The following HPCAL1 variants were observed in gnomAD, a reference collection of about 807,000 sequenced individuals.
HPCAL1 encodes the protein hippocalcin like 1.
In HPCAL1, 8 loss-of-function variants were observed where a neutral mutation model predicts 17.1. The observed-to-expected ratio is 0.47, with a 90% CI of 0.27 to 0.84. The LOEUF (loss-of-function observed/expected upper bound fraction) is 0.84. HPCAL1 is among the 40% of genes least tolerant of loss of function. The probability of loss-of-function intolerance (pLI) is 0.13; values close to 1 mark genes in which losing one functional copy is unlikely to be tolerated. For synonymous variants in HPCAL1, 112 were observed against 111.4 expected (o/e 1.01, Z -0.03); for missense variants, 165 against 271.1 (o/e 0.61, Z 2.75).
chr2:10,392,260 C>G (rs765146174), intron 1 of HPCAL1, among the ~76,000 whole-genome samples: 1 of 152,042 alleles, frequency 6.6e-6, no homozygotes, highest in Non-Finnish European at 1.5e-5. Context: ...AGGCTGGTCT[C>G]GCAGTGCTGG....
In HPCAL1 at chr2:10,423,264, G is replaced by A. The variant is rs547719285; in HGVS notation, c.484+176G>A. 4.2e-4 allele frequency: 259 copies of A among 622,662 alleles called. 1 individual carries two copies. Among genetic ancestry groups the A allele is most frequent in the African/African-American group, 3.2e-3 (177 of 54,674 alleles). The allele number at this position is 622,662 out of a possible 1,614,324, so 38.6% of individuals were successfully genotyped here. A position where few individuals can be genotyped will look rare whatever the true frequency, so the allele number is the denominator to read the frequency against. The stretch of plus-strand genomic sequence containing the variant: ...GAGCGGGATGCAGTCAGGGACACCC[G>A]TGCTGTATCCTGGCTCCTCTGTGCA... On this transcript the variant is annotated intron_variant, in intron 4 of 4. Transcript: ENST00000307845.
chr2:10,397,393 G>A (rs1384720006), intron 2 of HPCAL1, among the ~76,000 whole-genome samples: 1 of 152,086 alleles, frequency 6.6e-6, no homozygotes, highest in Non-Finnish European at 1.5e-5. Flanking sequence ...TCAGCCCTCT[G>A]GACCCCCACC....
intron 1 of HPCAL1, among the ~76,000 whole-genome samples, chr2:10,318,377 C>T (rs866227269): frequency 1.0e-4 from 15 of 149,144 alleles, no homozygotes; most frequent in Admixed American, 8.8e-4. Flanking sequence ...GAGAAAAAGG[C>T]GGCCACTCTT....
At chr2:10,325,020 A>G (rs1373073298) in intron 1 of HPCAL1, among the ~76,000 whole-genome samples, 1 of 148,718 alleles carries the variant, frequency 6.7e-6, no homozygotes, top group East Asian at 2.0e-4. Context: ...TTTAGTAGAG[A>G]CAGGGTTTCT....
chr2:10,393,341 G>A (rs1343252851), intron 1 of HPCAL1, among the ~76,000 whole-genome samples: 1 of 152,128 alleles, frequency 6.6e-6, no homozygotes, highest in Non-Finnish European at 1.5e-5. Flanking sequence ...CAGCCTGAGC[G>A]CCAATTCCTT....
intron 1 of HPCAL1, among the ~76,000 whole-genome samples, chr2:10,322,957 G>A (rs1663768508): frequency 6.6e-6 from 1 of 152,168 alleles, no homozygotes; most frequent in African/African-American, 2.4e-5. Flanking sequence ...ATCCCTGGGG[G>A]CTCTTGACAG....
At chr2:10,322,737 A>T (rs1347722664) in intron 1 of HPCAL1, among the ~76,000 whole-genome samples, 1 of 152,214 alleles carries the variant, frequency 6.6e-6, no homozygotes, top group African/African-American at 2.4e-5. Context: ...AGTAGAGCAG[A>T]AGAAGACTGG....
In HPCAL1 at chr2:10,343,100, G is replaced by A. The variant is rs1057291930; in HGVS notation, c.-111+39923G>A. ...CTCCAGGCCCTGTGTGTTTCCAAGT[G>A]GGCCCGCAGCTCTGATGTGCAGTGG... On this transcript the variant is annotated intron_variant, in intron 1 of 4. Transcript: ENST00000307845. The surrounding 1 kb of genome is among the most constrained non-coding windows in gnomAD (Gnocchi z 4.8). Among the ~76,000 whole-genome samples, 4 of 152,182 alleles carry A rather than the reference G, an allele frequency of 2.6e-5. No individual in the cohort carries two copies. Among genetic ancestry groups the A allele is most frequent in the African/African-American group, 7.2e-5 (3 of 41,422 alleles).
At position 10,310,528 on chromosome 2, in the gene HPCAL1, G is replaced by T. The variant is rs1053289093; in HGVS notation, c.-111+7351G>T. On this transcript the variant is annotated intron_variant, in intron 1 of 4. Coordinates refer to ENST00000307845, the MANE Select transcript of HPCAL1 (RefSeq NM_002149.4). The surrounding 1 kb of genome is among the most constrained non-coding windows in gnomAD (Gnocchi z 4.5). ...CAGTGCTGGTTACTGCTTGGAGTTT[G>T]GGGAGCTGCCATTTTGGATTGTCCT... Among the ~76,000 whole-genome samples the T allele has an allele frequency of 1.3e-5, 2 of 152,130 alleles. No homozygotes were observed. Among genetic ancestry groups the T allele is most frequent in the African/African-American group, 4.8e-5 (2 of 41,416 alleles).
intron 1 of HPCAL1, among the ~76,000 whole-genome samples, chr2:10,350,266 G>A (rs1339223726): frequency 6.6e-6 from 1 of 151,882 alleles, no homozygotes; most frequent in Non-Finnish European, 1.5e-5. Flanking sequence ...GGGGCAATTA[G>A]GGGAAGCAGC....
At chr2:10,399,641 C>G (rs1193085810) in intron 2 of HPCAL1, among the ~76,000 whole-genome samples, 4 of 149,976 alleles carry the variant, frequency 2.7e-5, no homozygotes, top group Non-Finnish European at 4.4e-5. Context: ...AAGGCACTTT[C>G]CAGCACATTC....
chr2:10,316,992 C>T (rs1375386006), intron 1 of HPCAL1, among the ~76,000 whole-genome samples: 1 of 152,180 alleles, frequency 6.6e-6, no homozygotes, highest in African/African-American at 2.4e-5. Context: ...ACTCTGGGCC[C>T]TCGGGTTATT....
chr2:10,410,436 CTTTTTTTTT>C (rs36002921), intron 2 of HPCAL1, among the ~76,000 whole-genome samples: 8 of 77,496 alleles, frequency 1.0e-4, no homozygotes, highest in South Asian at 6.0e-4. Context: ...TCTTCTTCTT[CTTTTTTTTT>C]TTTTTTTTTT....
intron 3 of HPCAL1, among the ~76,000 whole-genome samples, chr2:10,422,474 C>T (rs1462874353): frequency 1.3e-5 from 2 of 152,210 alleles, no homozygotes; most frequent in Admixed American, 6.5e-5. Flanking sequence ...TAGACTGAGC[C>T]CTCGGCTGAC....
intron 2 of HPCAL1, among the ~76,000 whole-genome samples, chr2:10,418,561 T>C (rs545280069): frequency 6.6e-6 from 1 of 152,182 alleles, no homozygotes; most frequent in Admixed American, 6.5e-5. Flanking sequence ...TGGTGCCTAC[T>C]GTTTAGAATT....
chr2:10,413,167 C>G (rs1670458300), intron 2 of HPCAL1, among the ~76,000 whole-genome samples: 1 of 152,204 alleles, frequency 6.6e-6, no homozygotes, highest in African/African-American at 2.4e-5. Context: ...CCTGGAGGCC[C>G]AGAGTCCTTC....
chr2:10,401,467 G>A (rs1202071250), intron 2 of HPCAL1, among the ~76,000 whole-genome samples: 1 of 152,092 alleles, frequency 6.6e-6, no homozygotes, highest in Non-Finnish European at 1.5e-5. Context: ...GCTGAGGCTA[G>A]AGACTATCTG....
In HPCAL1 at chr2:10,395,676, A is replaced by G. The variant is rs945395352; in HGVS notation, c.-110-1159A>G. 2.9e-4 allele frequency among the ~76,000 whole-genome samples: 44 copies of G among 152,298 alleles called. No homozygotes were observed. Among genetic ancestry groups the G allele is most frequent in the African/African-American group, 1.0e-3 (42 of 41,568 alleles). ...AAAGTAATTAGGGAGTGTGCGGTAG[A>G]TGCGGAAGAGAAACGGGCCGTCAGG... On this transcript the variant is annotated intron_variant, in intron 1 of 4. Transcript: ENST00000307845. The surrounding 1 kb of genome is among the most constrained non-coding windows in gnomAD (Gnocchi z 4.4).
At chr2:10,388,028 C>T (rs1371193638) in intron 1 of HPCAL1, among the ~76,000 whole-genome samples, 1 of 151,674 alleles carries the variant, frequency 6.6e-6, no homozygotes, top group Non-Finnish European at 1.5e-5. Context: ...CTCGCAGGCC[C>T]CCCATGGGAC....
Sources: gnomAD v4.1 joint callset for allele counts (sites outside exome capture counted in the v4.1 genomes callset) on GRCh38, gnomAD v4.1.1 for gene constraint, Gnocchi (gnomAD v3.1) non-coding constraint, MANE v1.5 for transcripts, NCBI Gene and HGNC (gene_info 2026-07-23, HGNC 2026-07-21) for gene names.